PREX1: variants seen among roughly 807,000 people sequenced by gnomAD.
PREX1 encodes the protein phosphatidylinositol 3,4,5-trisphosphate-dependent Rac exchanger 1 protein.
PREX1 carries 41 observed loss-of-function variants against 198.3 expected under a neutral mutation model. That is an observed-to-expected ratio of 0.21 (90% CI 0.16 to 0.27). The LOEUF (loss-of-function observed/expected upper bound fraction) is 0.27, where lower values mean the gene tolerates loss of function less well. Among genes scored for constraint, PREX1 ranks in the 10% least tolerant of loss-of-function variants. The pLI is 1.00. For missense variants in PREX1, 1,620 were observed against 2,200.7 expected, an observed-to-expected ratio of 0.74 and a Z score of 5.28; for synonymous variants, 843 against 887.2, an observed-to-expected ratio of 0.95 and a Z score of 0.89.
intron 1 of PREX1, among the ~76,000 whole-genome samples, chr20:48,780,275 T>C (rs916101730): frequency 2.0e-5 from 3 of 151,940 alleles, no homozygotes; most frequent in Non-Finnish European, 4.4e-5. Flanking sequence ...GCAGGGAAAA[T>C]ACAAGATGAG....
the PREX1 span, among the ~76,000 whole-genome samples, chr20:48,879,528 A>G: frequency 6.6e-6 from 1 of 152,242 alleles, no homozygotes; most frequent in African/African-American, 2.4e-5. Context: ...CTAAAAGGTT[A>G]ACACCAGGTC....
At chr20:48,867,820 A>C in the PREX1 span, among the ~76,000 whole-genome samples, 3 of 152,060 alleles carry the variant, frequency 2.0e-5, no homozygotes, top group Non-Finnish European at 4.4e-5. Flanking sequence ...CAAATAAATA[A>C]ATAAAACAAT....
In PREX1 at chr20:48,625,841, T is replaced by A; in HGVS notation, c.*44A>T. The A allele has an allele frequency of 6.5e-7, 1 of 1,527,338 alleles. No individual in the cohort carries two copies. The highest frequency in any genetic ancestry group is 8.8e-7 in the Non-Finnish European group (1 of 1,133,280). 94.6% of individuals were successfully genotyped at this position (1,527,338 alleles called of 1,614,324 possible). A position where few individuals can be genotyped will look rare whatever the true frequency, so the allele number is the denominator to read the frequency against. On this transcript the variant is annotated 3_prime_UTR_variant, in exon 40 of 40. Coordinates refer to ENST00000371941, the MANE Select transcript of PREX1 (RefSeq NM_020820.4). ...GCGCTGCCTGCTGTGTCCTCCCAAA[T>A]CCCAGCTCCAGAGGCCGCGGCCCAG...
intron 7 of PREX1, among the ~76,000 whole-genome samples, chr20:48,699,142 A>T (rs1440405165): frequency 6.6e-6 from 1 of 152,180 alleles, no homozygotes; most frequent in Non-Finnish European, 1.5e-5. Flanking sequence ...TTCTCACCAC[A>T]CCTTAGGAGG....
the PREX1 span, among the ~76,000 whole-genome samples, chr20:48,860,921 A>G: frequency 6.6e-6 from 1 of 152,134 alleles, no homozygotes; most frequent in African/African-American, 2.4e-5. Flanking sequence ...GCTTGAGGGC[A>G]GGAGTTTGAA....
At chr20:48,643,189 A>T (rs1359920796) in intron 27 of PREX1, among the ~76,000 whole-genome samples, 2 of 152,238 alleles carry the variant, frequency 1.3e-5, no homozygotes, top group Non-Finnish European at 2.9e-5. Context: ...AATAAAAAAC[A>T]ATTTCAGGCT....
upstream of PREX1, among the ~76,000 whole-genome samples, chr20:48,828,528 C>CCTGGGCAGTGAGGGCCCCTCT (rs1568657528): frequency 2.6e-5 from 4 of 152,082 alleles, no homozygotes; most frequent in Non-Finnish European, 5.9e-5. Context: ...GCGACCGCTG[C>CCTGGGCAGTGAGGGCCCCTCT]CTGGGCAGTG....
intron 1 of PREX1, among the ~76,000 whole-genome samples, chr20:48,798,992 G>A (rs754417272): frequency 1.4e-4 from 22 of 152,262 alleles, no homozygotes; most frequent in African/African-American, 4.3e-4. Flanking sequence ...CACCTCCCGA[G>A]TTCAAGCAAT....
At chr20:48,768,566 G>A (rs1412708965) in intron 1 of PREX1, among the ~76,000 whole-genome samples, 3 of 152,188 alleles carry the variant, frequency 2.0e-5, no homozygotes, top group Non-Finnish European at 2.9e-5. Context: ...AGGCAGAGGC[G>A]GCCGATCACT....
At chr20:48,766,547 C>G (rs1180977212) in intron 1 of PREX1, among the ~76,000 whole-genome samples, 1 of 152,226 alleles carries the variant, frequency 6.6e-6, no homozygotes, top group South Asian at 2.1e-4. Flanking sequence ...GGCCTCAGCA[C>G]AGGTGCTCCC....
intron 27 of PREX1, among the ~76,000 whole-genome samples, chr20:48,643,222 G>C (rs946135146): frequency 6.6e-6 from 1 of 152,222 alleles, no homozygotes; most frequent in African/African-American, 2.4e-5. Flanking sequence ...TTTAATCCCA[G>C]CAATTTGGGA....
chr20:48,786,924 C>T (rs1340288563), intron 1 of PREX1, among the ~76,000 whole-genome samples: 2 of 151,282 alleles, frequency 1.3e-5, no homozygotes, highest in African/African-American at 4.9e-5. Flanking sequence ...GAGGAGGAGG[C>T]GTGGGAAGGA....
intron 1 of PREX1, among the ~76,000 whole-genome samples, chr20:48,806,187 A>G (rs2090411031): frequency 6.6e-6 from 1 of 152,130 alleles, no homozygotes. Flanking sequence ...CCTTTGGGGG[A>G]GGGGCCAAAC....
At chr20:48,800,012 G>T (rs1281981176) in intron 1 of PREX1, among the ~76,000 whole-genome samples, 1 of 152,208 alleles carries the variant, frequency 6.6e-6, no homozygotes, top group African/African-American at 2.4e-5. Context: ...CAGCTGTGGC[G>T]GAGGGGAGAG....
chr20:48,765,751 G>A (rs1601122407), intron 1 of PREX1, among the ~76,000 whole-genome samples: 1 of 152,236 alleles, frequency 6.6e-6, no homozygotes, highest in South Asian at 2.1e-4. Context: ...AAGGAGAATA[G>A]TGTAGCCTCG....
chr20:48,804,270 G>C (rs1171910955), intron 1 of PREX1, among the ~76,000 whole-genome samples: 3 of 152,252 alleles, frequency 2.0e-5, no homozygotes, highest in African/African-American at 7.2e-5. Flanking sequence ...CCCTCTGGGA[G>C]CTTAAATTCT....
intron 5 of PREX1, among the ~76,000 whole-genome samples, chr20:48,725,501 G>A (rs374736769): frequency 4.6e-5 from 7 of 152,148 alleles, no homozygotes; most frequent in African/African-American, 1.7e-4. Flanking sequence ...CAGGGCTGGC[G>A]GCAGGGAAGG....
At chr20:48,734,014 A>G (rs2090046336) in intron 4 of PREX1, among the ~76,000 whole-genome samples, 1 of 152,172 alleles carries the variant, frequency 6.6e-6, no homozygotes, top group South Asian at 2.1e-4. Flanking sequence ...CGGCCTCCCA[A>G]GTGCTGGGAT....
intron 1 of PREX1, among the ~76,000 whole-genome samples, chr20:48,789,199 G>A (rs1476563858): frequency 2.6e-5 from 4 of 152,076 alleles, no homozygotes; most frequent in East Asian, 1.9e-4. Flanking sequence ...ATTCAGAATG[G>A]AACAAGTTCC....
Sources: allele counts gnomAD v4.1 joint callset (sites outside exome capture counted in the v4.1 genomes callset), GRCh38; gene constraint gnomAD v4.1.1; transcripts MANE v1.5; gene names NCBI Gene and HGNC (gene_info 2026-07-23, HGNC 2026-07-21).